Variants in CRPPA observed in about 807,000 individuals in gnomAD.
CRPPA encodes D-ribitol-5-phosphate cytidylyltransferase.
In CRPPA, 43 loss-of-function variants were observed where a neutral mutation model predicts 52.0. The observed-to-expected ratio is 0.83, with a 90% confidence interval of 0.65 to 1.07. The LOEUF (loss-of-function observed/expected upper bound fraction) is 1.07. Among genes scored for constraint, CRPPA ranks in the 50% least tolerant of loss-of-function variants. CRPPA has a pLI of 0.00. For missense variants in CRPPA, 629 were observed against 551.7 expected (o/e 1.14, Z -1.40); for synonymous variants, 250 against 203.5 (o/e 1.23, Z -1.94).
chr7:16,351,051 C>A (rs946024768), intron 3 of CRPPA, among the ~76,000 whole-genome samples: 3 of 152,018 alleles, frequency 2.0e-5, no homozygotes, highest in African/African-American at 7.2e-5. Flanking sequence ...AAGGATATAA[C>A]AATTTTAAAT....
chr7:16,351,438 C>T (rs996816106), intron 3 of CRPPA, among the ~76,000 whole-genome samples: 1 of 152,084 alleles, frequency 6.6e-6, no homozygotes, highest in Non-Finnish European at 1.5e-5. Flanking sequence ...AGAGCTTCTG[C>T]ACAGCAAAAG....
At chr7:16,298,181 G>A (rs1331551414) in intron 5 of CRPPA, among the ~76,000 whole-genome samples, 1 of 152,162 alleles carries the variant, frequency 6.6e-6, no homozygotes, top group African/African-American at 2.4e-5. Flanking sequence ...AGCTGGGAGA[G>A]CATCGTAAGA....
intron 5 of CRPPA, among the ~76,000 whole-genome samples, chr7:16,288,473 A>T (rs966604096): frequency 6.6e-6 from 1 of 152,160 alleles, no homozygotes; most frequent in Admixed American, 6.5e-5. Context: ...CTGATGATGC[A>T]ACCCAAAGAA....
At chr7:16,330,840 A>G (rs939467045) in intron 3 of CRPPA, among the ~76,000 whole-genome samples, 3 of 152,192 alleles carry the variant, frequency 2.0e-5, no homozygotes, top group Admixed American at 2.0e-4. Context: ...AGGTTTTATC[A>G]GAACATAATG....
intron 8 of CRPPA, among the ~76,000 whole-genome samples, chr7:16,231,294 C>G (rs971713069): frequency 6.6e-6 from 1 of 152,056 alleles, no homozygotes; most frequent in East Asian, 1.9e-4. Context: ...TTTCTTTAGC[C>G]CTTGTGAACG....
chr7:16,225,253 T>C (rs1782617414), intron 8 of CRPPA, among the ~76,000 whole-genome samples: 1 of 152,014 alleles, frequency 6.6e-6, no homozygotes, highest in Admixed American at 6.6e-5. Context: ...TTTAAACAGT[T>C]AATAGGAAAA....
At chr7:16,184,815 GTTTA>G (rs1201241083) in intron 9 of CRPPA, among the ~76,000 whole-genome samples, 1 of 151,950 alleles carries the variant, frequency 6.6e-6, no homozygotes, top group African/African-American at 2.4e-5. Context: ...AATTTTGTTT[GTTTA>G]TTTAACAAAT....
chr7:16,125,974 C>G (rs568228798), intron 9 of CRPPA, among the ~76,000 whole-genome samples: 40 of 150,384 alleles, frequency 2.7e-4, no homozygotes, highest in South Asian at 1.1e-3. Context: ...AAGGTGAATT[C>G]TATGATGTGA....
intron 9 of CRPPA, among the ~76,000 whole-genome samples, chr7:16,185,034 G>C (rs945426563): frequency 2.0e-5 from 3 of 152,128 alleles, no homozygotes; most frequent in African/African-American, 7.2e-5. Flanking sequence ...AGGTACCATA[G>C]ACTATTTTAA....
chr7:16,320,387 A>G (rs1785235956), intron 3 of CRPPA, among the ~76,000 whole-genome samples: 1 of 152,138 alleles, frequency 6.6e-6, no homozygotes, highest in African/African-American at 2.4e-5. Context: ...AAAATAATGT[A>G]TATATAATGC....
At chr7:16,317,150 C>A (rs80006727) in intron 3 of CRPPA, among the ~76,000 whole-genome samples, 12,004 of 152,156 alleles carry the variant, frequency 0.079, 788 homozygotes, top group African/African-American at 0.18. Flanking sequence ...AGAGCATGGA[C>A]ACAGAAGTCA....
intron 9 of CRPPA, among the ~76,000 whole-genome samples, chr7:16,108,951 T>G (rs1367586656): frequency 6.6e-6 from 1 of 151,814 alleles, no homozygotes; most frequent in African/African-American, 2.4e-5. Context: ...AGAAAGTTTG[T>G]AATGATAAAT....
intron 2 of CRPPA, among the ~76,000 whole-genome samples, chr7:16,403,982 T>A (rs1787891030): frequency 6.6e-6 from 1 of 152,204 alleles, no homozygotes; most frequent in Non-Finnish European, 1.5e-5. Context: ...AAGCCAGTTT[T>A]CTGTTTTAAT....
chr7:16,188,235 C>T (rs752413071), intron 9 of CRPPA, among the ~76,000 whole-genome samples: 11 of 151,800 alleles, frequency 7.2e-5, no homozygotes, highest in Admixed American at 2.0e-4. Context: ...CCACCCACAT[C>T]GGCCTCCCAA....
chr7:16,365,500 T>C (rs12667765), intron 3 of CRPPA, among the ~76,000 whole-genome samples: 24,591 of 152,182 alleles, frequency 0.16, 2,570 homozygotes, highest in South Asian at 0.42. Flanking sequence ...AATGTGGTAG[T>C]ATCACAGGAG....
intron 8 of CRPPA, among the ~76,000 whole-genome samples, chr7:16,241,264 G>A (rs1783098884): frequency 6.6e-6 from 1 of 151,940 alleles, no homozygotes; most frequent in South Asian, 2.1e-4. Flanking sequence ...ATAATTTATT[G>A]TAATGTCAAT....
chr7:16,360,129 A>G (rs1242602649), intron 3 of CRPPA, among the ~76,000 whole-genome samples: 1 of 152,230 alleles, frequency 6.6e-6, no homozygotes, highest in African/African-American at 2.4e-5. Flanking sequence ...TTCCTACGGA[A>G]CAAGTGTGAA....
intron 9 of CRPPA, among the ~76,000 whole-genome samples, chr7:16,096,666 C>G (rs1781940641): frequency 6.6e-6 from 1 of 152,106 alleles, no homozygotes; most frequent in African/African-American, 2.4e-5. Flanking sequence ...AGGTTGATCT[C>G]AAACTCCTAG....
chr7:16,238,106 C>G (rs1583455605), intron 8 of CRPPA, among the ~76,000 whole-genome samples: 1 of 152,096 alleles, frequency 6.6e-6, no homozygotes, highest in South Asian at 2.1e-4. Flanking sequence ...TAAGTAAACT[C>G]TTATTATGAA....
Sources: gnomAD v4.1 joint callset for allele counts (sites outside exome capture counted in the v4.1 genomes callset) on GRCh38, gnomAD v4.1.1 for gene constraint, MANE v1.5 for transcripts, NCBI Gene and HGNC (gene_info 2026-07-23, HGNC 2026-07-21) for gene names.